TBCD: variants seen among roughly 807,000 people sequenced by gnomAD.
The protein encoded by TBCD is tubulin folding cofactor D.
TBCD carries 105 observed loss-of-function variants against 169.3 expected under a neutral mutation model. The observed-to-expected ratio is 0.62, with a 90% CI of 0.53 to 0.73. The LOEUF (loss-of-function observed/expected upper bound fraction) is 0.73, where lower values mean the gene tolerates loss of function less well. TBCD is among the 30% of genes least tolerant of loss of function. The pLI, the probability that TBCD is intolerant of heterozygous loss-of-function variation, is 0.00. For missense variants in TBCD, 1,444 were observed against 1,600.1 expected (o/e 0.90, Z 1.66); for synonymous variants, 700 against 643.9 (o/e 1.09, Z -1.32).
Position 82,922,744 on chromosome 17 carries a change from G to A in TBCD, c.2179-908G>A, listed in dbSNP as rs1393373783. ...AGACGACGCACCTCCTCTGCTCATG[G>A]CCCCCACCTGCCCCGCCCCCAGTGC... is the stretch of plus-strand genomic sequence containing the variant. On this transcript the variant is annotated intron_variant, in intron 25 of 38. Coordinates refer to ENST00000355528, the MANE Select transcript of TBCD (RefSeq NM_005993.5). The surrounding 1 kb of genome is among the most constrained non-coding windows in gnomAD (Gnocchi z 4.1). 6.6e-6 allele frequency among the ~76,000 whole-genome samples: 1 copy of A among 152,222 alleles called. No homozygotes were observed. Among genetic ancestry groups the A allele is most frequent in the Non-Finnish European group, 1.5e-5 (1 of 68,036 alleles).
rs978642761 is a variant in TBCD, at chr17:82,922,726, G to A, written c.2179-926G>A. Among the ~76,000 whole-genome samples, 1 of 152,196 alleles carries A rather than the reference G, an allele frequency of 6.6e-6. No homozygotes were observed. The highest frequency in any genetic ancestry group is 6.5e-5 in the Admixed American group (1 of 15,274). ...TGGAATGCAGCACCCTGTAGACGAC[G>A]CACCTCCTCTGCTCATGGCCCCCAC... is the stretch of plus-strand genomic sequence containing the variant. On this transcript the variant is annotated intron_variant, in intron 25 of 38. Transcript: ENST00000355528. The surrounding 1 kb of genome is among the most constrained non-coding windows in gnomAD (Gnocchi z 4.1).
At chr17:82,756,288 C>A in intron 2 of TBCD, 73 bp downstream of exon 2, 1 of 1,426,530 alleles carries the variant, frequency 7.0e-7, no homozygotes, top group Non-Finnish European at 9.7e-7. Context: ...GTGGTGCTGG[C>A]ACATGCATGT....
chr17:82,836,726 AAAAC>A (rs373697461), intron 13 of TBCD, among the ~76,000 whole-genome samples: 24 of 152,048 alleles, frequency 1.6e-4, no homozygotes, highest in East Asian at 7.7e-4. Flanking sequence ...AAAAAACAAA[AAAAC>A]AAAAAAACCC....
At chr17:82,790,330 C>T (rs2049617683) in intron 7 of TBCD, among the ~76,000 whole-genome samples, 2 of 152,226 alleles carry the variant, frequency 1.3e-5, no homozygotes, top group African/African-American at 4.8e-5. Flanking sequence ...TGGCAGCACA[C>T]CTGCTGTCCT....
chr17:82,887,168 T>TGTGTGTGTGTGTGTGTGTGCGCGC, intron 15 of TBCD, among the ~76,000 whole-genome samples: 37 of 126,188 alleles, frequency 2.9e-4, no homozygotes, highest in Middle Eastern at 4.0e-3. Context: ...TGTGTGTGTG[T>TGTGTGTGTGTGTGTGTGTGCGCGC]GCGCGCGCGC....
intron 26 of TBCD, among the ~76,000 whole-genome samples, chr17:82,924,711 C>T (rs977722521): frequency 6.6e-6 from 1 of 152,170 alleles, no homozygotes; most frequent in African/African-American, 2.4e-5. Context: ...TAAGCTTGCA[C>T]CACGGCACTC....
chr17:82,938,693 C>T lies in TBCD; in HGVS notation c.3369+557C>T, dbSNP rs186354236. ...GCACCTCCAGGGTGGGCCCGGGGCT[C>T]AGACCACCAGCGCAGTGAGACATGA... is the stretch of plus-strand genomic sequence containing the variant. On this transcript the variant is annotated intron_variant, in intron 36 of 38. Coordinates refer to ENST00000355528, the MANE Select transcript of TBCD (RefSeq NM_005993.5). Among the ~76,000 whole-genome samples, 234 of 152,260 alleles carry T rather than the reference C, an allele frequency of 1.5e-3. 2 individuals carry two copies. Among genetic ancestry groups the T allele is most frequent in the South Asian group, 2.3e-3 (11 of 4,820 alleles).
At position 82,789,654 on chromosome 17, in the gene TBCD, C is replaced by A. The variant is rs1283473596; in HGVS notation, c.771+7933C>A. On this transcript the variant is annotated intron_variant, in intron 7 of 38. Coordinates refer to ENST00000355528, the MANE Select transcript of TBCD (RefSeq NM_005993.5). The surrounding 1 kb of genome is among the most constrained non-coding windows in gnomAD (Gnocchi z 4.8). ...CGTGATGCCTCACTGCCCACGCAGT[C>A]ACCTTAGAGGCACCTTCCCTCTAAG... Among the ~76,000 whole-genome samples, 3 of 152,232 alleles carry A rather than the reference C, an allele frequency of 2.0e-5. No individual in the cohort carries two copies. The highest frequency in any genetic ancestry group is 7.2e-5 in the African/African-American group (3 of 41,472).
chr17:82,896,912 C>T (rs543786103), intron 17 of TBCD, among the ~76,000 whole-genome samples: 5 of 151,872 alleles, frequency 3.3e-5, no homozygotes, highest in South Asian at 2.1e-4. Context: ...ATCTGGGGTC[C>T]GTGCTGGTGC....
Position 82,870,380 on chromosome 17 carries a change from G to C in TBCD, c.1475G>C (p.Ser492Thr), listed in dbSNP as rs2057468640. ...ELKPFVTAIS[S>T]ALVIAAVFDR... ...AAGCCCTTTGTGACTGCAATCTCGA[G>C]GTAGGCCCATTCGTCGAGGTACATC... The change falls in exon 14 of 39, where the codon AGT (serine) becomes ACT (threonine). Residue 492 changes from serine (S) to threonine (T), a missense_variant and splice_region_variant. Transcript: ENST00000355528. The C allele has an allele frequency of 1.2e-6, 2 of 1,611,916 alleles. No individual in the cohort carries two copies.
At chr17:82,820,252 A>G (rs151180672) in intron 13 of TBCD, among the ~76,000 whole-genome samples, 2,695 of 152,326 alleles carry the variant, frequency 0.018, 34 homozygotes, top group Non-Finnish European at 0.027. Flanking sequence ...TGCTGGGATT[A>G]CAGGCGTGAG....
At position 82,890,814 on chromosome 17, in the gene TBCD, C is replaced by T. The variant is rs187352709; in HGVS notation, c.1563+1117C>T. On this transcript the variant is annotated intron_variant, in intron 16 of 38. Coordinates refer to ENST00000355528, the MANE Select transcript of TBCD (RefSeq NM_005993.5). The surrounding 1 kb of genome is among the most constrained non-coding windows in gnomAD (Gnocchi z 5.3). Reference sequence around the variant, plus strand: ...GAGACACCAGCCTTGCAAGGGGAGCCTGGGTGTGCAGACAGCAAGAGCCGC... The same window carrying T: ...GAGACACCAGCCTTGCAAGGGGAGCTTGGGTGTGCAGACAGCAAGAGCCGC... Among the ~76,000 whole-genome samples, 1 of 152,316 alleles carries T rather than the reference C, an allele frequency of 6.6e-6. No individual in the cohort carries two copies. The highest frequency in any genetic ancestry group is 1.9e-4 in the East Asian group (1 of 5,164).
intron 2 of TBCD, among the ~76,000 whole-genome samples, chr17:82,758,177 T>A (rs2047508289): frequency 1.3e-5 from 2 of 151,028 alleles, no homozygotes. Flanking sequence ...TCACCTGAGG[T>A]CAGGAGTTTG....
Position 82,920,724 on chromosome 17 carries a change from A to G in TBCD, c.2101+106A>G, listed in dbSNP as rs779435144. On this transcript the variant is annotated intron_variant, in intron 24 of 38. Transcript: ENST00000355528. The surrounding 1 kb of genome is among the most constrained non-coding windows in gnomAD (Gnocchi z 4.1). ...GGGGGCGATAAACGATTATAGCTTA[A>G]AGGTTCAAGATATTAATCGGATACG... is the stretch of plus-strand genomic sequence containing the variant. 9 of 1,015,616 alleles carry G rather than the reference A, an allele frequency of 8.9e-6. No homozygotes were observed. The highest frequency in any genetic ancestry group is 1.3e-5 in the Non-Finnish European group (9 of 692,046). 62.9% of individuals were successfully genotyped at this position (1,015,616 alleles called of 1,614,324 possible).
intron 34 of TBCD, among the ~76,000 whole-genome samples, chr17:82,936,302 C>T (rs73368937): frequency 0.056 from 8,600 of 152,248 alleles, 401 homozygotes; most frequent in African/African-American, 0.13. Context: ...TGGAGTTTTG[C>T]GTCTTTTCAG....
chr17:82,934,479 AT>A (rs570552657), intron 34 of TBCD, among the ~76,000 whole-genome samples: 1 of 150,550 alleles, frequency 6.6e-6, no homozygotes, highest in African/African-American at 2.4e-5. Flanking sequence ...CTCCATTTAA[AT>A]TTTTTTTTTG....
intron 5 of TBCD, among the ~76,000 whole-genome samples, chr17:82,769,359 C>T (rs527875965): frequency 6.6e-6 from 1 of 152,308 alleles, no homozygotes; most frequent in East Asian, 1.9e-4. Flanking sequence ...AAGTGACGTC[C>T]CATTCCTCTG....
In TBCD at chr17:82,876,822, G is replaced by C. The variant is rs1344036167; in HGVS notation, c.1475+6442G>C. On this transcript the variant is annotated intron_variant, in intron 14 of 38. Transcript: ENST00000355528. ...AGTGGGCCAGGCTGAAGTGAGGCCAGCTTTGCCTGCTGCAGCCCTGTGGTC... is the reference window on the plus strand; with the variant it reads ...AGTGGGCCAGGCTGAAGTGAGGCCACCTTTGCCTGCTGCAGCCCTGTGGTC... The C allele has an allele frequency of 3.8e-5, 9 of 234,212 alleles. No homozygotes were observed. The South Asian group carries it at 6.2e-4, about 16-fold the overall frequency. 14.5% of individuals were successfully genotyped at this position (234,212 alleles called of 1,614,324 possible).
Position 82,926,538 on chromosome 17 carries a change from C to T in TBCD, c.2471+47C>T, listed in dbSNP as rs372458466. 3 of 1,533,268 alleles carry T rather than the reference C, an allele frequency of 2.0e-6. No individual in the cohort carries two copies. The African/African-American group carries it at 4.1e-5, about 21-fold the overall frequency. The allele number at this position is 1,533,268 out of a possible 1,614,324, so 95.0% of individuals were successfully genotyped here. A position where few individuals can be genotyped will look rare whatever the true frequency, so the allele number is the denominator to read the frequency against. On this transcript the variant is annotated intron_variant, in intron 28 of 38. Transcript: ENST00000355528. ...CTAAAGTCGTAAGTCTCTGAAAGGCCAGCAGATGAACGCTAAGGGGGATGT... is the reference window on the plus strand; with the variant it reads ...CTAAAGTCGTAAGTCTCTGAAAGGCTAGCAGATGAACGCTAAGGGGGATGT...
Sources: gnomAD v4.1 joint callset for allele counts (sites outside exome capture counted in the v4.1 genomes callset) on GRCh38, gnomAD v4.1.1 for gene constraint, Gnocchi (gnomAD v3.1) non-coding constraint, MANE v1.5 for transcripts, NCBI Gene and HGNC (gene_info 2026-07-23, HGNC 2026-07-21) for gene names.